The following SH3TC2 variants were observed in gnomAD, a reference collection of about 807,000 sequenced individuals.
The protein encoded by SH3TC2 is SH3 domain and tetratricopeptide repeats 2.
Under a neutral mutation model 124.5 loss-of-function variants are expected in SH3TC2, and 87 were observed. The observed-to-expected ratio is 0.70, with a 90% CI of 0.59 to 0.84. The LOEUF is 0.84. Ranked by LOEUF, SH3TC2 falls within the 40% of genes least tolerant of loss-of-function variation. The pLI is 0.00. For missense variants in SH3TC2, 1,536 were observed against 1,566.4 expected, an observed-to-expected ratio of 0.98 and a Z score of 0.33; for synonymous variants, 634 against 628.5, an observed-to-expected ratio of 1.01 and a Z score of -0.13.
intron 14 of SH3TC2, 42 bp downstream of exon 14, chr5:149,010,228 G>A (rs1335484026): frequency 3.8e-5 from 61 of 1,613,704 alleles, no homozygotes; most frequent in Non-Finnish European, 5.1e-5. Context: ...TCCCATGCCC[G>A]TGCCAGGACC....
intron 4 of SH3TC2, 81 bp from the exon 5 acceptor site, chr5:149,042,918 T>G (rs1036328908): frequency 1.9e-6 from 3 of 1,559,478 alleles, no homozygotes; most frequent in Non-Finnish European, 2.6e-6. Flanking sequence ...GAAAATTCCC[T>G]CCTGAGCTTG....
intron 7 of SH3TC2, 66 bp downstream of exon 7, chr5:149,040,538 A>C (rs1474867013): frequency 4.2e-6 from 6 of 1,426,658 alleles, no homozygotes; most frequent in Middle Eastern, 1.7e-4. Flanking sequence ...CCAAACCTGC[A>C]GATAAAATTG....
At chr5:149,058,557 T>C (rs999770893) in intron 1 of SH3TC2, among the ~76,000 whole-genome samples, 2 of 152,138 alleles carry the variant, frequency 1.3e-5, no homozygotes, top group Non-Finnish European at 2.9e-5. Context: ...CATTATTGAG[T>C]TGAAAGAGCT....
intron 1 of SH3TC2, chr5:149,062,283 C>T (rs752885058): frequency 3.8e-6 from 2 of 523,414 alleles, no homozygotes; most frequent in East Asian, 5.6e-5. Flanking sequence ...AGGGCCCTAC[C>T]TTGATTCTCC....
In SH3TC2 at chr5:149,031,687, C is replaced by G. The variant is rs1754196290; in HGVS notation, c.1002G>C (p.Met334Ile). ...RNIDPDSYSP[M>I]SRNSAFLSDE... ...CACTGAGAAAGGCAGAGTTCCTGCT[C>G]CTGCATCGGGGCAAAAAACACAGAG... Residue 334 changes from methionine to isoleucine, a missense_variant and splice_region_variant, in exon 9 of 17, where the codon ATG (methionine) becomes ATC (isoleucine). Around this residue, in one of 3 missense-constraint regions of SH3TC2, gnomAD observed 1,102 missense variants for 1,098.6 expected, o/e 1.00. Transcript: ENST00000515425. 1 of 1,614,034 alleles carries G rather than the reference C, an allele frequency of 6.2e-7. No homozygotes were observed. Among genetic ancestry groups the G allele is most frequent in the East Asian group, 2.2e-5 (1 of 44,864 alleles).
intron 4 of SH3TC2, 175 bp downstream of exon 4, chr5:149,044,358 A>G (rs1754421746): frequency 3.4e-6 from 2 of 594,148 alleles, no homozygotes; most frequent in East Asian, 5.9e-5. Flanking sequence ...ATAATAGTTA[A>G]TATTTGCCTT....
chr5:149,055,869 C>T (rs1754637900), intron 1 of SH3TC2, among the ~76,000 whole-genome samples: 3 of 152,090 alleles, frequency 2.0e-5, no homozygotes, highest in Admixed American at 6.6e-5. Context: ...ATCGTTTCAG[C>T]CCAGGAGTTC....
rs138967360 is a variant in SH3TC2 at position 149,028,406 on chromosome 5, C to T, written c.1326G>A (p.Pro442=). Residue 442 remains proline (P), a synonymous_variant, in exon 11 of 17, where the codon CCG becomes CCA. Coordinates refer to ENST00000515425, the MANE Select transcript of SH3TC2 (RefSeq NM_024577.4). ...CCGGGTCATCAAGGTCATCAGGCTCCGGCAGGCGATAGCTGTCTGAGGTGG... is the reference window on the plus strand; with the variant it reads ...CCGGGTCATCAAGGTCATCAGGCTCTGGCAGGCGATAGCTGTCTGAGGTGG... ...LSATSDSYRL[P]EPDDLDDPEL... 6.4e-5 allele frequency: 104 copies of T among 1,614,012 alleles called. No individual in the cohort carries two copies. The highest frequency in any genetic ancestry group is 3.7e-4 in the African/African-American group (28 of 75,026).
At chr5:149,021,873 A>C (rs1753976592) in intron 12 of SH3TC2, among the ~76,000 whole-genome samples, 2 of 66,902 alleles carry the variant, frequency 3.0e-5, no homozygotes, top group African/African-American at 9.6e-5. Flanking sequence ...CCAATCCTTC[A>C]CAAACTCTTT....
chr5:149,051,527 C>T (rs954834104), intron 2 of SH3TC2, among the ~76,000 whole-genome samples: 1 of 152,206 alleles, frequency 6.6e-6, no homozygotes, highest in Non-Finnish European at 1.5e-5. Flanking sequence ...TTACAGCTTA[C>T]TGCAGCCTCG....
Position 148,998,778 on chromosome 5 carries a change from C to T in SH3TC2, c.*5933G>A, listed in dbSNP as rs886060165. On this transcript the variant is annotated 3_prime_UTR_variant, in exon 17 of 17. Transcript: ENST00000515425. ...CCCTTAGAGGAGGGTGAACGAAGTG[C>T]ACATTCCCAGAGCCAGCACTTCCAG... Among the ~76,000 whole-genome samples, 1 of 152,190 alleles carries T rather than the reference C, an allele frequency of 6.6e-6. No individual in the cohort carries two copies. The highest frequency in any genetic ancestry group is 2.4e-5 in the African/African-American group (1 of 41,438).
intron 1 of SH3TC2, among the ~76,000 whole-genome samples, chr5:149,058,270 C>T (rs923947944): frequency 3.3e-5 from 5 of 152,182 alleles, no homozygotes; most frequent in African/African-American, 1.2e-4. Flanking sequence ...AACTGCCAAA[C>T]TGTTTTCCAA....
At chr5:149,043,053 C>G (rs1156248577) in intron 4 of SH3TC2, among the ~76,000 whole-genome samples, 1 of 152,218 alleles carries the variant, frequency 6.6e-6, no homozygotes, top group Admixed American at 6.5e-5. Flanking sequence ...CAAGTCATTT[C>G]TAAATGTTAT....
chr5:149,026,307 C>T (rs866894043), intron 12 of SH3TC2: 11 of 514,790 alleles, frequency 2.1e-5, no homozygotes, highest in African/African-American at 1.7e-4. Flanking sequence ...CTCATTTATC[C>T]TTCACAATAA....
At chr5:149,039,310 A>G (rs1754331870) in intron 7 of SH3TC2, among the ~76,000 whole-genome samples, 1 of 152,186 alleles carries the variant, frequency 6.6e-6, no homozygotes, top group African/African-American at 2.4e-5. Flanking sequence ...CCCTTTTCCC[A>G]GGTTACGGAG....
rs138688039 is a variant in SH3TC2 at position 149,000,563 on chromosome 5, T to C, written c.*4148A>G. On this transcript the variant is annotated 3_prime_UTR_variant, in exon 17 of 17. Transcript: ENST00000515425. ...GTCATCCCTTATAAAAATAAGTTAA[T>C]ATGAGTAAAAGAAGTAAATCAATTT... Among the ~76,000 whole-genome samples, 3 of 152,336 alleles carry C rather than the reference T, an allele frequency of 2.0e-5. No homozygotes were observed. The highest frequency in any genetic ancestry group is 3.9e-4 in the East Asian group (2 of 5,186).
chr5:149,021,581 T>A (rs1035894465), intron 12 of SH3TC2, among the ~76,000 whole-genome samples: 5 of 151,958 alleles, frequency 3.3e-5, no homozygotes, highest in Admixed American at 3.3e-4. Flanking sequence ...TGGACATTAC[T>A]ATCAACTTTA....
At chr5:149,057,297 T>C (rs1225736382) in intron 1 of SH3TC2, among the ~76,000 whole-genome samples, 1 of 152,246 alleles carries the variant, frequency 6.6e-6, no homozygotes, top group Non-Finnish European at 1.5e-5. Flanking sequence ...CAAATGTCTT[T>C]AGCCTGCTTT....
intron 4 of SH3TC2, 168 bp downstream of exon 4, chr5:149,044,365 C>T (rs535720198): frequency 1.6e-6 from 1 of 606,484 alleles, no homozygotes; most frequent in South Asian, 1.9e-5. Context: ...TTAATATTTG[C>T]CTTAGATTTA....
Sources: gnomAD v4.1 joint callset for allele counts (sites outside exome capture counted in the v4.1 genomes callset) on GRCh38, gnomAD v4.1.1 for gene constraint, gnomAD v4.1.1 regional missense constraint, MANE v1.5 for transcripts, NCBI Gene and HGNC (gene_info 2026-07-23, HGNC 2026-07-21) for gene names.